ACAN: variants seen among roughly 807,000 people sequenced by gnomAD.
ACAN encodes the protein aggrecan.
Under a neutral mutation model 169.1 loss-of-function variants are expected in ACAN, and 47 were observed. The observed-to-expected ratio is 0.28, with a 90% CI of 0.22 to 0.35. ACAN has a LOEUF of 0.35. Among genes scored for constraint, ACAN ranks in the 10% least tolerant of loss-of-function variants. The pLI is 1.00. For missense variants in ACAN, 2,716 were observed against 2,759.9 expected, an observed-to-expected ratio of 0.98 and a Z score of 0.36; for synonymous variants, 1,115 against 1,112.2, an observed-to-expected ratio of 1.00 and a Z score of -0.05.
intron 1 of ACAN, among the ~76,000 whole-genome samples, chr15:88,821,646 G>C (rs541103058): frequency 2.0e-5 from 3 of 152,308 alleles, no homozygotes; most frequent in East Asian, 3.9e-4. Flanking sequence ...TTCCTGCCAT[G>C]TGAGGTCCAG....
At chr15:88,816,687 G>C (rs1895949869) in intron 1 of ACAN, among the ~76,000 whole-genome samples, 2 of 152,218 alleles carry the variant, frequency 1.3e-5, no homozygotes, top group African/African-American at 2.4e-5. Context: ...AAATTTCTCA[G>C]TCTTTACTCA....
In ACAN at chr15:88,873,625, G is replaced by A. The variant is rs1259832664; in HGVS notation, c.7448-217G>A. 1 of 581,250 alleles carries A rather than the reference G, an allele frequency of 1.7e-6. No homozygotes were observed. Among genetic ancestry groups the A allele is most frequent in the African/African-American group, 1.9e-5 (1 of 53,598 alleles). The allele number at this position is 581,250 out of a possible 1,614,324, so 36.0% of individuals were successfully genotyped here. ...TTCATCTTCTCTTCATCCCTTTAAA[G>A]ACCACCCCGTTTGTATTCCCTTCCT... On this transcript the variant is annotated intron_variant, in intron 17 of 18. Transcript: ENST00000560601. The surrounding 1 kb of genome is among the most constrained non-coding windows in gnomAD (Gnocchi z 7.5).
At chr15:88,821,554 A>G (rs1896076434) in intron 1 of ACAN, among the ~76,000 whole-genome samples, 1 of 152,208 alleles carries the variant, frequency 6.6e-6, no homozygotes. Flanking sequence ...AGAGTCTTCC[A>G]TATGGTGAGT....
chr15:88,805,017 C>T (rs1388639162), intron 1 of ACAN, among the ~76,000 whole-genome samples: 3 of 152,174 alleles, frequency 2.0e-5, no homozygotes, highest in Non-Finnish European at 4.4e-5. Flanking sequence ...CAGAAAGGTG[C>T]AATGAATTTC....
intron 1 of ACAN, among the ~76,000 whole-genome samples, chr15:88,808,186 G>A (rs1895733920): frequency 6.6e-6 from 1 of 152,226 alleles, no homozygotes; most frequent in Non-Finnish European, 1.5e-5. Context: ...CCAGATCACA[G>A]ATGCCCAGGG....
At position 88,839,868 on chromosome 15, in the gene ACAN, GGTGTA is replaced by G; in HGVS notation, c.455-143_455-139del. The G allele has an allele frequency of 7.8e-6, 7 of 900,338 alleles. No homozygotes were observed. The highest frequency in any genetic ancestry group is 1.2e-5 in the Non-Finnish European group (7 of 596,224). The allele number at this position is 900,338 out of a possible 1,614,324, so 55.8% of individuals were successfully genotyped here. A position where few individuals can be genotyped will look rare whatever the true frequency, so the allele number is the denominator to read the frequency against. Reference sequence around the variant, plus strand: ...CAAATTCAGAAGGATCACGTGCAAAGGTGTACAGGGAGTCATGCATCAGCCCAGAC... The same window carrying G: ...CAAATTCAGAAGGATCACGTGCAAAGCAGGGAGTCATGCATCAGCCCAGAC... On this transcript the variant is annotated intron_variant, in intron 3 of 18. Coordinates refer to ENST00000560601, the MANE Select transcript of ACAN (RefSeq NM_001369268.1). The surrounding 1 kb of genome is among the most constrained non-coding windows in gnomAD (Gnocchi z 4.5).
chr15:88,841,540 A>C (rs185714673), intron 4 of ACAN, among the ~76,000 whole-genome samples, 200 bp from the exon 5 acceptor site: 1 of 152,202 alleles, frequency 6.6e-6, no homozygotes, highest in South Asian at 2.1e-4. Context: ...GTTTTGTACC[A>C]CTAAATATTC....
In ACAN at chr15:88,858,996, C is replaced by T. The variant is rs34543273; in HGVS notation, c.6411C>T (p.His2137=). The change falls in exon 12 of 19, where the codon CAC becomes CAT. Residue 2137 remains histidine (H), a synonymous_variant. Coordinates refer to ENST00000560601, the MANE Select transcript of ACAN (RefSeq NM_001369268.1). This position sits in a 1 kb window ranked among gnomAD's most constrained non-coding sequence, Gnocchi z 4.0. ...PDLSETTSAF[H]EANLERSSGL... is the part of the protein sequence containing the mutation. Reference sequence around the variant, plus strand: ...TGAGTGAAACCACCTCTGCATTCCACGAAGCTAACCTTGAGAGATCCTCTG... The same window carrying T: ...TGAGTGAAACCACCTCTGCATTCCATGAAGCTAACCTTGAGAGATCCTCTG... 1.8e-3 allele frequency: 2,964 copies of T among 1,613,934 alleles called. 37 individuals are homozygous for T. The African/African-American group carries it at 0.031, about 17-fold the overall frequency.
At chr15:88,818,576 A>T (rs1325795417) in intron 1 of ACAN, among the ~76,000 whole-genome samples, 1 of 152,200 alleles carries the variant, frequency 6.6e-6, no homozygotes, top group Non-Finnish European at 1.5e-5. Flanking sequence ...TTTATTTCTC[A>T]TACGATATGG....
intron 5 of ACAN, among the ~76,000 whole-genome samples, chr15:88,842,671 G>T (rs1352380543): frequency 6.6e-6 from 1 of 152,164 alleles, no homozygotes; most frequent in African/African-American, 2.4e-5. Context: ...CTGCCTATTA[G>T]GTAACAAGTT....
intron 11 of ACAN, among the ~76,000 whole-genome samples, chr15:88,853,014 C>G (rs2141598081): frequency 6.6e-6 from 1 of 152,278 alleles, no homozygotes; most frequent in South Asian, 2.1e-4. Flanking sequence ...CCTGGCCTCC[C>G]TCCATATCAG....
In ACAN at chr15:88,851,512, G is replaced by T; in HGVS notation, c.2027-282G>T. The T allele has an allele frequency of 2.9e-6, 1 of 345,710 alleles. No individual in the cohort carries two copies. Among genetic ancestry groups the T allele is most frequent in the Non-Finnish European group, 5.2e-6 (1 of 190,642 alleles). The allele number at this position is 345,710 out of a possible 1,614,324, so 21.4% of individuals were successfully genotyped here. A position where few individuals can be genotyped will look rare whatever the true frequency, so the allele number is the denominator to read the frequency against. On this transcript the variant is annotated intron_variant, in intron 10 of 18. Coordinates refer to ENST00000560601, the MANE Select transcript of ACAN (RefSeq NM_001369268.1). This position sits in a 1 kb window ranked among gnomAD's most constrained non-coding sequence, Gnocchi z 4.3. ...TCATAAAGCTGTTGTGAGATAAAGT[G>T]ATTTTAGATACACAAGGCTTTAGAG...
At chr15:88,810,756 G>A (rs959396979) in intron 1 of ACAN, among the ~76,000 whole-genome samples, 1 of 152,206 alleles carries the variant, frequency 6.6e-6, no homozygotes, top group Non-Finnish European at 1.5e-5. Context: ...GGTGGCTGAA[G>A]CCCTAATGTG....
intron 1 of ACAN, among the ~76,000 whole-genome samples, chr15:88,834,592 T>C (rs948070367): frequency 1.3e-5 from 2 of 152,250 alleles, no homozygotes; most frequent in Non-Finnish European, 2.9e-5. Context: ...ATCTTTTCTT[T>C]AGTCCCAGAT....
chr15:88,864,954 A>T (rs16942392), intron 13 of ACAN, among the ~76,000 whole-genome samples: 7 of 152,188 alleles, frequency 4.6e-5, no homozygotes, highest in Admixed American at 2.6e-4. Flanking sequence ...ATGAGCAAAT[A>T]AACTCTCACT....
At chr15:88,828,359 A>G (rs1238169980) in intron 1 of ACAN, among the ~76,000 whole-genome samples, 1 of 151,504 alleles carries the variant, frequency 6.6e-6, no homozygotes, top group African/African-American at 2.4e-5. Context: ...CAGGTATGAC[A>G]CTCTCCGTGG....
intron 2 of ACAN, among the ~76,000 whole-genome samples, chr15:88,836,787 A>T (rs974985082): frequency 6.6e-6 from 1 of 152,268 alleles, no homozygotes. Context: ...TGTGGAAGGC[A>T]CTGGGTCTAC....
In ACAN at chr15:88,844,027, G is replaced by A. The variant is rs549269554; in HGVS notation, c.1051+379G>A. On this transcript the variant is annotated intron_variant, in intron 6 of 18. Transcript: ENST00000560601. ...AGATGGGGTGCCCGCCTGCAAAGAC[G>A]TTGGGGGTCTGACATGTGACCCTGG... Among the ~76,000 whole-genome samples, 29 of 152,320 alleles carry A rather than the reference G, an allele frequency of 1.9e-4. No homozygotes were observed. In the South Asian group the frequency reaches 4.1e-3, roughly 22 times the overall value.
chr15:88,847,388 C>T lies in ACAN; in HGVS notation c.1575C>T (p.Asp525=), dbSNP rs367724066. 2.8e-4 allele frequency: 447 copies of T among 1,584,388 alleles called. 3 individuals carry two copies. The highest frequency in any genetic ancestry group is 8.7e-4 in the South Asian group (76 of 87,154). Residue 525 remains aspartate (D), a synonymous_variant, in exon 8 of 19, where the codon GAC becomes GAT. Coordinates refer to ENST00000560601, the MANE Select transcript of ACAN (RefSeq NM_001369268.1). ...AAYEAGYEQC[D]AGWLRDQTVR... ...ACGAAGCAGGCTATGAGCAGTGTGA[C>T]GCCGGCTGGCTGCGGGACCAGACCG...
Sources: gnomAD v4.1 joint callset for allele counts (sites outside exome capture counted in the v4.1 genomes callset) on GRCh38, gnomAD v4.1.1 for gene constraint, Gnocchi (gnomAD v3.1) non-coding constraint, MANE v1.5 for transcripts, NCBI Gene and HGNC (gene_info 2026-07-23, HGNC 2026-07-21) for gene names.